The following PER3 variants were observed in gnomAD, a reference collection of about 807,000 sequenced individuals.
PER3 encodes the protein period circadian protein homolog 3.
A neutral mutation model predicts 127.2 loss-of-function variants in PER3; 107 were observed. The ratio of observed to expected loss-of-function variants is 0.84; its 90% CI spans 0.72 to 0.99. The LOEUF is 0.99. Ranked by LOEUF, PER3 falls within the 50% of genes least tolerant of loss-of-function variation. PER3 has a pLI of 0.00. For synonymous variants in PER3, 618 were observed against 585.8 expected, an observed-to-expected ratio of 1.05 and a Z score of -0.79; for missense variants, 1,560 against 1,525.8, an observed-to-expected ratio of 1.02 and a Z score of -0.37.
rs184002679 is a variant in PER3, at chr1:7,795,758, G to A, written c.644+1750G>A. ...TTTATCACTTGCTTATTTTCAAAAC[G>A]TTTTACTTTGGGAATTTTCAAACAT... On this transcript the variant is annotated intron_variant, in intron 6 of 21. Transcript: ENST00000377532. 1.3e-4 allele frequency among the ~76,000 whole-genome samples: 20 copies of A among 152,302 alleles called. No homozygotes were observed. The East Asian group carries it at 3.5e-3, about 26-fold the overall frequency.
chr1:7,818,628 T>C (rs1290627474), intron 13 of PER3, among the ~76,000 whole-genome samples: 1 of 152,254 alleles, frequency 6.6e-6, no homozygotes, highest in Admixed American at 6.5e-5. Context: ...GGAGGTTTTT[T>C]CTTCTCTCTA....
At chr1:7,832,796 C>CATTT (rs2097339044) in intron 19 of PER3, among the ~76,000 whole-genome samples, 1 of 151,354 alleles carries the variant, frequency 6.6e-6, no homozygotes, top group South Asian at 2.1e-4. Flanking sequence ...CCAATATAAA[C>CATTT]ATTTAATGCT....
At chr1:7,804,406 T>TC (rs1228890308) in intron 10 of PER3, among the ~76,000 whole-genome samples, 3 of 151,082 alleles carry the variant, frequency 2.0e-5, no homozygotes, top group African/African-American at 7.3e-5. Flanking sequence ...GTCTTTTTTT[T>TC]TTTTTTTCTT....
chr1:7,815,001 A>G (rs1037501078), intron 13 of PER3, among the ~76,000 whole-genome samples: 2 of 152,212 alleles, frequency 1.3e-5, no homozygotes, highest in Non-Finnish European at 2.9e-5. Context: ...GTGGTCAGAA[A>G]CCAAATGGAC....
intron 9 of PER3, 61 bp downstream of exon 9, chr1:7,803,214 TC>T: frequency 9.8e-7 from 1 of 1,025,190 alleles, no homozygotes; most frequent in Non-Finnish European, 1.6e-6. Flanking sequence ...TTCTAATTTT[TC>T]TTTTCATCTC....
rs571561520 is a variant in PER3, at chr1:7,797,981, C to CG, written c.645-542dup. Reference sequence around the variant, plus strand: ...GGCCAGGGACAGGGCTTGCTGAACTCGGTTTTAGCCTCAACTTTTTCTTTC... The same window carrying CG: ...GGCCAGGGACAGGGCTTGCTGAACTCGGGTTTTAGCCTCAACTTTTTCTTTC... On this transcript the variant is annotated intron_variant, in intron 6 of 21. Transcript: ENST00000377532. 2.4e-4 allele frequency among the ~76,000 whole-genome samples: 37 copies of CG among 152,320 alleles called. No individual in the cohort carries two copies. In the South Asian group the frequency reaches 3.7e-3, roughly 15 times the overall value.
At chr1:7,822,623 A>G (rs1269058738) in intron 16 of PER3, among the ~76,000 whole-genome samples, 1 of 152,218 alleles carries the variant, frequency 6.6e-6, no homozygotes, top group East Asian at 1.9e-4. Flanking sequence ...GCAAATTTAA[A>G]ATAAACTCAA....
intron 10 of PER3, among the ~76,000 whole-genome samples, chr1:7,808,281 C>G (rs2097204831): frequency 6.7e-6 from 1 of 148,462 alleles, no homozygotes; most frequent in Non-Finnish European, 1.5e-5. Flanking sequence ...CAGTGCCTGT[C>G]ACATAGAAGG....
chr1:7,812,485 C>T lies in PER3; in HGVS notation c.1522+1897C>T, dbSNP rs549907931. On this transcript the variant is annotated intron_variant, in intron 13 of 21. Transcript: ENST00000377532. ...ACTAAAAATACAAAAATTAGCCGGG[C>T]GTGGTGGTGGGCGCCTCTAGTCCCA... 2.2e-4 allele frequency among the ~76,000 whole-genome samples: 33 copies of T among 151,786 alleles called. No homozygotes were observed. The South Asian group carries it at 6.5e-3, about 30-fold the overall frequency.
Position 7,803,755 on chromosome 1 carries a change from G to A in PER3, c.1043G>A (p.Gly348Glu). Residue 348 changes from glycine to glutamate, a missense_variant, in exon 10 of 22, where the codon GGA becomes GAA. Transcript: ENST00000377532. ...HSPIRFCTQN[G>E]DYIILDSSWS... ...CCCATTCGATTTTGTACTCAAAACG[G>A]AGACTACATCATACTGGATTCCAGT... 1 of 1,610,614 alleles carries A rather than the reference G, an allele frequency of 6.2e-7. No homozygotes were observed. The highest frequency in any genetic ancestry group is 1.3e-5 in the African/African-American group (1 of 74,968).
chr1:7,837,122 G>A lies in PER3; in HGVS notation c.3522G>A (p.Gln1174=). ...LAKVYNWIQS[Q]TVTQEIDIQA... ...AGGTGTATAATTGGATTCAAAGCCAGACTGTCACTCAAGAAATCGACATTC... is the reference window on the plus strand; with the variant it reads ...AGGTGTATAATTGGATTCAAAGCCAAACTGTCACTCAAGAAATCGACATTC... The change falls in exon 21 of 22, where the codon CAG becomes CAA. Residue 1174 remains glutamine (Q), a synonymous_variant. Transcript: ENST00000377532. 6.2e-7 allele frequency: 1 copy of A among 1,613,704 alleles called. No individual in the cohort carries two copies. The highest frequency in any genetic ancestry group is 1.7e-5 in the Admixed American group (1 of 59,888).
intron 21 of PER3, among the ~76,000 whole-genome samples, chr1:7,838,235 A>G (rs1026516728): frequency 6.6e-6 from 1 of 152,172 alleles, no homozygotes; most frequent in African/African-American, 2.4e-5. Flanking sequence ...TACCTTCTGA[A>G]CTATTTTTAA....
chr1:7,794,920 T>G (rs1282777084), intron 6 of PER3, among the ~76,000 whole-genome samples: 1 of 151,576 alleles, frequency 6.6e-6, no homozygotes, highest in Admixed American at 6.6e-5. Flanking sequence ...GATATAATAA[T>G]ATGTTCTTTT....
In PER3 at chr1:7,837,159, G is replaced by C; in HGVS notation, c.3549+10G>C. On this transcript the variant is annotated intron_variant, in intron 21 of 21. Coordinates refer to ENST00000377532, the MANE Select transcript of PER3 (RefSeq NM_001377275.1). ...AGAAATCGACATTCAAGTAAGCACA[G>C]TAATAATGGCTGTCATATACTCATG... The C allele has an allele frequency of 2.5e-6, 4 of 1,611,166 alleles. No homozygotes were observed. The highest frequency in any genetic ancestry group is 3.4e-6 in the Non-Finnish European group (4 of 1,178,510).
At position 7,820,190 on chromosome 1, in the gene PER3, A is replaced by C. The variant is rs752582022; in HGVS notation, c.1734A>C (p.Ser578=). ...GTACAAATACAACTTCTTCCTCCTC[A>C]GAAGAAGACAAACAGAACCACAAGG... ...ISCTNTTSSS[S]EEDKQNHKAD... The change falls in exon 15 of 22, where the codon TCA becomes TCC. Residue 578 remains serine, a synonymous_variant. Coordinates refer to ENST00000377532, the MANE Select transcript of PER3 (RefSeq NM_001377275.1). 10 of 1,611,954 alleles carry C rather than the reference A, an allele frequency of 6.2e-6. No individual in the cohort carries two copies. Among genetic ancestry groups the C allele is most frequent in the Non-Finnish European group, 6.8e-6 (8 of 1,177,982 alleles).
chr1:7,803,902 T>A (rs758057475), intron 10 of PER3, 54 bp downstream of exon 10: 1 of 1,439,366 alleles, frequency 6.9e-7, no homozygotes, highest in Admixed American at 1.8e-5. Flanking sequence ...CAAATAATAT[T>A]CCTTAGCTTA....
chr1:7,839,693 G>C (rs2097375133), intron 21 of PER3, among the ~76,000 whole-genome samples: 1 of 152,112 alleles, frequency 6.6e-6, no homozygotes, highest in African/African-American at 2.4e-5. Flanking sequence ...TAAGCACTTT[G>C]AATACACTGG....
chr1:7,813,754 CTG>C (rs1480783023), intron 13 of PER3, among the ~76,000 whole-genome samples: 1 of 152,316 alleles, frequency 6.6e-6, no homozygotes, highest in East Asian at 1.9e-4. Flanking sequence ...TGCCCAGTCT[CTG>C]TGTCCTACAC....
chr1:7,831,311 T>C (rs1057362074), intron 19 of PER3, among the ~76,000 whole-genome samples: 1 of 152,258 alleles, frequency 6.6e-6, no homozygotes, highest in African/African-American at 2.4e-5. Flanking sequence ...AACTTGTATT[T>C]TGCAGTCTTG....
Sources: gnomAD v4.1 joint callset for allele counts (sites outside exome capture counted in the v4.1 genomes callset) on GRCh38, gnomAD v4.1.1 for gene constraint, MANE v1.5 for transcripts, NCBI Gene and HGNC (gene_info 2026-07-23, HGNC 2026-07-21) for gene names.